MACROD2: variants seen among roughly 807,000 people sequenced by gnomAD.
MACROD2 encodes ADP-ribose glycohydrolase MACROD2.
A neutral mutation model predicts 70.4 loss-of-function variants in MACROD2; 36 were observed. The ratio of observed to expected loss-of-function variants is 0.51; its 90% confidence interval spans 0.39 to 0.68. The LOEUF is 0.68. MACROD2 is among the 30% of genes least tolerant of loss of function. MACROD2 has a pLI of 0.00. For missense variants in MACROD2, 496 were observed against 538.4 expected (o/e 0.92, Z 0.78); for synonymous variants, 172 against 178.8 (o/e 0.96, Z 0.30).
intron 8 of MACROD2, among the ~76,000 whole-genome samples, chr20:15,666,846 C>G (rs2049905087): frequency 6.6e-6 from 1 of 151,750 alleles, no homozygotes; most frequent in Non-Finnish European, 1.5e-5. Context: ...CCCACCTTTA[C>G]AGTTGAGTAT....
At chr20:15,628,932 A>G (rs1425269060) in intron 8 of MACROD2, among the ~76,000 whole-genome samples, 2 of 152,252 alleles carry the variant, frequency 1.3e-5, no homozygotes, top group African/African-American at 4.8e-5. Flanking sequence ...CCATGTTGTT[A>G]CATGCAGTTG....
At chr20:14,587,638 A>G (rs893502071) in intron 4 of MACROD2, among the ~76,000 whole-genome samples, 2 of 151,900 alleles carry the variant, frequency 1.3e-5, no homozygotes, top group African/African-American at 2.4e-5. Flanking sequence ...AATTATTAAT[A>G]CATTTATATA....
At chr20:14,546,617 T>C (rs2085493965) in intron 4 of MACROD2, among the ~76,000 whole-genome samples, 1 of 152,156 alleles carries the variant, frequency 6.6e-6, no homozygotes, top group Non-Finnish European at 1.5e-5. Flanking sequence ...GCCTCCTGCC[T>C]TTTTACTCAA....
intron 15 of MACROD2, among the ~76,000 whole-genome samples, chr20:16,024,160 A>G (rs987044860): frequency 6.6e-6 from 1 of 152,188 alleles, no homozygotes; most frequent in Admixed American, 6.5e-5. Flanking sequence ...TCTAATGCTA[A>G]TCATGCAAGT....
intron 3 of MACROD2, among the ~76,000 whole-genome samples, chr20:14,342,197 A>G (rs2083020489): frequency 6.6e-6 from 1 of 152,182 alleles, no homozygotes. Flanking sequence ...AGAATGGAGG[A>G]CAGGGCATGA....
chr20:15,453,691 CACCTG>C (rs1460150786), intron 7 of MACROD2, among the ~76,000 whole-genome samples: 1 of 152,112 alleles, frequency 6.6e-6, no homozygotes, highest in Non-Finnish European at 1.5e-5. Context: ...ACAAGGACAC[CACCTG>C]ACTTCAGAGG....
chr20:14,241,761 A>G (rs540794723), intron 3 of MACROD2, among the ~76,000 whole-genome samples: 1,533 of 152,272 alleles, frequency 0.01, 13 homozygotes, highest in South Asian at 0.031. Context: ...GGGGCCCTGT[A>G]GCAGAAGGAA....
intron 4 of MACROD2, among the ~76,000 whole-genome samples, chr20:14,600,270 A>C (rs1982395047): frequency 6.6e-6 from 1 of 150,434 alleles, no homozygotes; most frequent in Non-Finnish European, 1.5e-5. Flanking sequence ...CCATCTCCTA[A>C]ATTCCAGGAT....
At chr20:15,627,945 TCA>T (rs1237134034) in intron 8 of MACROD2, among the ~76,000 whole-genome samples, 1 of 152,220 alleles carries the variant, frequency 6.6e-6, no homozygotes, top group African/African-American at 2.4e-5. Context: ...CGTAATTTTC[TCA>T]CTGTTATAAT....
chr20:14,289,873 AG>A (rs1212846424), intron 3 of MACROD2, among the ~76,000 whole-genome samples: 1 of 152,206 alleles, frequency 6.6e-6, no homozygotes, highest in Non-Finnish European at 1.5e-5. Flanking sequence ...CAATGATTAC[AG>A]GGTTTTAAAA....
chr20:15,932,455 A>G (rs2065595198), intron 10 of MACROD2, among the ~76,000 whole-genome samples: 1 of 152,204 alleles, frequency 6.6e-6, no homozygotes, highest in Non-Finnish European at 1.5e-5. Flanking sequence ...TTTAACCCAC[A>G]TGAATATAGG....
At chr20:15,500,733 C>T (rs1438879880) in intron 8 of MACROD2, among the ~76,000 whole-genome samples, 1 of 152,092 alleles carries the variant, frequency 6.6e-6, no homozygotes, top group Non-Finnish European at 1.5e-5. Flanking sequence ...TGAGAAAGCA[C>T]TTGGTACTTT....
chr20:14,086,206 T>C, intron 3 of MACROD2: 1 of 387,548 alleles, frequency 2.6e-6, no homozygotes, highest in South Asian at 2.0e-5. Context: ...CAGTTTTCAT[T>C]TTCATTATGA....
intron 12 of MACROD2, among the ~76,000 whole-genome samples, chr20:15,950,278 G>A (rs1005185536): frequency 6.6e-6 from 1 of 152,120 alleles, no homozygotes; most frequent in Non-Finnish European, 1.5e-5. Context: ...AGTATTTCCA[G>A]AGTTAATTTT....
intron 6 of MACROD2, among the ~76,000 whole-genome samples, chr20:15,403,648 C>G (rs571859522): frequency 5.9e-5 from 9 of 152,220 alleles, no homozygotes; most frequent in East Asian, 1.9e-4. Flanking sequence ...GCCATGCGGT[C>G]TAAGTGGAAG....
intron 8 of MACROD2, among the ~76,000 whole-genome samples, chr20:15,623,537 A>G (rs943899401): frequency 1.3e-5 from 2 of 152,166 alleles, no homozygotes; most frequent in Non-Finnish European, 2.9e-5. Flanking sequence ...AGAGGCACAG[A>G]TCCCCCTACA....
chr20:14,468,438 C>CTT (rs35239187), intron 3 of MACROD2, among the ~76,000 whole-genome samples: 42 of 110,196 alleles, frequency 3.8e-4, no homozygotes, highest in Admixed American at 1.8e-3. Context: ...GCAACCCCTG[C>CTT]TTTTTTTTTT....
intron 6 of MACROD2, among the ~76,000 whole-genome samples, chr20:15,302,249 A>C (rs1252183940): frequency 6.6e-6 from 1 of 152,084 alleles, no homozygotes; most frequent in Non-Finnish European, 1.5e-5. Context: ...GACATCGTTG[A>C]CTATATTTCA....
At chr20:14,428,156 T>C (rs1401853414) in intron 3 of MACROD2, among the ~76,000 whole-genome samples, 4 of 152,096 alleles carry the variant, frequency 2.6e-5, no homozygotes. Flanking sequence ...TTTAATGAAT[T>C]GAAATACAGA....
Sources: allele counts gnomAD v4.1 joint callset (sites outside exome capture counted in the v4.1 genomes callset), GRCh38; gene constraint gnomAD v4.1.1; transcripts MANE v1.5; gene names NCBI Gene and HGNC (gene_info 2026-07-23, HGNC 2026-07-21).